Variants in CADPS2 observed in about 807,000 individuals in gnomAD.
The protein encoded by CADPS2 is calcium-dependent secretion activator 2.
Under a neutral mutation model 172.5 loss-of-function variants are expected in CADPS2, and 93 were observed. That is an observed-to-expected ratio of 0.54 (90% CI 0.46 to 0.64). The LOEUF (loss-of-function observed/expected upper bound fraction) is 0.64. Among genes scored for constraint, CADPS2 ranks in the 30% least tolerant of loss-of-function variants. The pLI, the probability that CADPS2 is intolerant of heterozygous loss-of-function variation, is 0.00. For missense variants in CADPS2, 1,420 were observed against 1,565.9 expected (o/e 0.91, Z 1.57); for synonymous variants, 546 against 555.2 (o/e 0.98, Z 0.23).
chr7:122,393,292 T>C lies in CADPS2; in HGVS notation c.2912A>G (p.Asn971Ser), dbSNP rs773760613. 5.6e-6 allele frequency: 9 copies of C among 1,613,742 alleles called. No individual in the cohort carries two copies. The highest frequency in any genetic ancestry group is 4.5e-5 in the East Asian group (2 of 44,882). ...PVKNIANSLPNVALPKVPSLP... is the reference protein window; with the variant it reads ...PVKNIANSLPSVALPKVPSLP... Reference sequence around the variant, plus strand: ...ACTTGGAACTTTTGGAAGAGCTACATTGGGAAGACTGTTGGCGATATTCCT... The same window carrying C: ...ACTTGGAACTTTTGGAAGAGCTACACTGGGAAGACTGTTGGCGATATTCCT... Residue 971 changes from asparagine to serine, a missense_variant, in exon 22 of 30, where the codon AAT (asparagine) becomes AGT (serine). Physicochemically the swap from Asn to Ser is conservative, Grantham distance 46 (BLOSUM62 1). Coordinates refer to ENST00000449022, the MANE Select transcript of CADPS2 (RefSeq NM_017954.11).
chr7:122,742,078 C>T lies in CADPS2; in HGVS notation c.340-5010G>A, dbSNP rs111492457. 2.4e-3 allele frequency among the ~76,000 whole-genome samples: 369 copies of T among 152,140 alleles called. 1 individual carries two copies. The highest frequency in any genetic ancestry group is 8.1e-3 in the African/African-American group (335 of 41,526). On this transcript the variant is annotated intron_variant, in intron 1 of 29. Coordinates refer to ENST00000449022, the MANE Select transcript of CADPS2 (RefSeq NM_017954.11). ...TTCTGAGTTTACAGATGCGCAGAGT[C>T]GCTATTATAGCTTTTTTAAAAATCT...
intron 1 of CADPS2, among the ~76,000 whole-genome samples, chr7:122,835,734 G>C (rs1261236352): frequency 2.0e-5 from 3 of 152,114 alleles, no homozygotes; most frequent in Non-Finnish European, 4.4e-5. Flanking sequence ...AGAGAAAAAA[G>C]GGTAAAAATA....
intron 6 of CADPS2, among the ~76,000 whole-genome samples, chr7:122,614,773 T>C (rs2074706437): frequency 6.6e-6 from 1 of 152,210 alleles, no homozygotes; most frequent in Admixed American, 6.5e-5. Flanking sequence ...TGCAGAATCA[T>C]GGTATCTACT....
intron 1 of CADPS2, among the ~76,000 whole-genome samples, chr7:122,826,762 A>G (rs1805009049): frequency 6.6e-6 from 1 of 152,136 alleles, no homozygotes; most frequent in African/African-American, 2.4e-5. Flanking sequence ...AGAAAATCCC[A>G]GCACATTAAA....
intron 2 of CADPS2, among the ~76,000 whole-genome samples, chr7:122,675,989 AAAC>A (rs1355145866): frequency 3.3e-5 from 5 of 152,168 alleles, no homozygotes; most frequent in African/African-American, 9.7e-5. Flanking sequence ...AAAGTAAAAA[AAAC>A]AACAACAAAA....
chr7:122,437,503 C>T (rs1462259754), intron 17 of CADPS2, among the ~76,000 whole-genome samples: 2 of 151,966 alleles, frequency 1.3e-5, no homozygotes, highest in Non-Finnish European at 2.9e-5. Context: ...TAAAAAGTTA[C>T]TAAAATTTTA....
At chr7:122,336,801 G>A (rs980232804) in intron 28 of CADPS2, among the ~76,000 whole-genome samples, 1 of 152,138 alleles carries the variant, frequency 6.6e-6, no homozygotes, top group African/African-American at 2.4e-5. Context: ...AGAGAGCTTA[G>A]GTGATCAACA....
At chr7:122,704,404 A>T (rs576302030) in intron 2 of CADPS2, among the ~76,000 whole-genome samples, 16 of 151,858 alleles carry the variant, frequency 1.1e-4, no homozygotes, top group Non-Finnish European at 2.2e-4. Context: ...TTCTATTAAC[A>T]GTGACAAATT....
At chr7:122,732,675 G>T (rs2091763245) in intron 2 of CADPS2, among the ~76,000 whole-genome samples, 2 of 143,782 alleles carry the variant, frequency 1.4e-5, no homozygotes, top group African/African-American at 2.5e-5. Flanking sequence ...TATATATTAT[G>T]TAATAAATAC....
At chr7:122,434,696 C>G (rs2050411045) in intron 17 of CADPS2, among the ~76,000 whole-genome samples, 1 of 151,942 alleles carries the variant, frequency 6.6e-6, no homozygotes, top group Non-Finnish European at 1.5e-5. Flanking sequence ...ATAAGGGATG[C>G]AAGAAAAAAA....
chr7:122,710,907 C>T (rs2088596382), intron 2 of CADPS2, among the ~76,000 whole-genome samples: 1 of 152,070 alleles, frequency 6.6e-6, no homozygotes, highest in African/African-American at 2.4e-5. Context: ...ATCCTGTTTT[C>T]TCCCTTCTGT....
intron 3 of CADPS2, among the ~76,000 whole-genome samples, chr7:122,633,409 C>T (rs1361557989): frequency 6.6e-6 from 1 of 151,950 alleles, no homozygotes; most frequent in Admixed American, 6.6e-5. Context: ...AGATCTTTCA[C>T]CTCATTGGTT....
At chr7:122,699,048 G>A in intron 2 of CADPS2, 1 of 655,600 alleles carries the variant, frequency 1.5e-6, no homozygotes, top group Non-Finnish European at 2.6e-6. Context: ...GCATGTTTTT[G>A]TAAGAAATTC....
intron 7 of CADPS2, among the ~76,000 whole-genome samples, chr7:122,566,968 A>G (rs944553877): frequency 1.3e-5 from 2 of 152,184 alleles, no homozygotes; most frequent in African/African-American, 4.8e-5. Context: ...CCTCAAAAGG[A>G]TAACAATACA....
At chr7:122,582,775 G>A (rs1290214466) in intron 6 of CADPS2, among the ~76,000 whole-genome samples, 1 of 151,824 alleles carries the variant, frequency 6.6e-6, no homozygotes, top group African/African-American at 2.4e-5. Context: ...AACCTTGGGA[G>A]GCATTCTCTT....
intron 1 of CADPS2, among the ~76,000 whole-genome samples, chr7:122,812,845 T>A (rs960123148): frequency 3.9e-5 from 6 of 152,182 alleles, no homozygotes; most frequent in Non-Finnish European, 8.8e-5. Flanking sequence ...ATTACAGCCA[T>A]TTTTAAAGTA....
intron 3 of CADPS2, among the ~76,000 whole-genome samples, chr7:122,641,273 A>G (rs1486010502): frequency 6.6e-6 from 1 of 152,210 alleles, no homozygotes; most frequent in Non-Finnish European, 1.5e-5. Flanking sequence ...TCTATTATAC[A>G]GATAATTTTG....
At chr7:122,329,160 A>C (rs2034472270) in intron 28 of CADPS2, among the ~76,000 whole-genome samples, 1 of 152,156 alleles carries the variant, frequency 6.6e-6, no homozygotes, top group Non-Finnish European at 1.5e-5. Flanking sequence ...CAGCTTTCTT[A>C]AACAGTTCAT....
chr7:122,438,309 C>G (rs2050910613), intron 17 of CADPS2, 32 bp downstream of exon 17: 2 of 1,611,392 alleles, frequency 1.2e-6, no homozygotes, highest in Non-Finnish European at 1.7e-6. Flanking sequence ...TTGGCTCTCA[C>G]TGCCACTTCG....
Sources: gnomAD v4.1 joint callset for allele counts (sites outside exome capture counted in the v4.1 genomes callset) on GRCh38, gnomAD v4.1.1 for gene constraint, MANE v1.5 for transcripts, NCBI Gene and HGNC (gene_info 2026-07-23, HGNC 2026-07-21) for gene names.